Variants in FANCM observed in about 807,000 individuals in gnomAD.
FANCM encodes the protein FA complementation group M.
Under a neutral mutation model 199.5 loss-of-function variants are expected in FANCM, and 140 were observed. That is an observed-to-expected ratio of 0.70 (90% confidence interval 0.61 to 0.81). The LOEUF (loss-of-function observed/expected upper bound fraction) is 0.81. FANCM is among the 30% of genes least tolerant of loss of function. FANCM has a pLI of 0.00. For synonymous variants in FANCM, 840 were observed against 836.8 expected (o/e 1.00, Z -0.07); for missense variants, 2,410 against 2,421.4 (o/e 1.00, Z 0.10).
intron 3 of FANCM, among the ~76,000 whole-genome samples, chr14:45,141,115 G>T (rs1351058315): frequency 6.6e-6 from 1 of 151,606 alleles, no homozygotes; most frequent in African/African-American, 2.4e-5. Flanking sequence ...GGTGAAACCC[G>T]GTGTCTACCA....
chr14:45,148,692 C>A, intron 3 of FANCM, 145 bp from the exon 4 acceptor site: 1 of 623,016 alleles, frequency 1.6e-6, no homozygotes, highest in South Asian at 2.0e-5. Context: ...TTTTTATAGG[C>A]TTATCTTCTT....
chr14:45,160,569 G>A (rs978927257), intron 9 of FANCM, among the ~76,000 whole-genome samples: 29 of 149,692 alleles, frequency 1.9e-4, no homozygotes, highest in Non-Finnish European at 4.1e-4. Flanking sequence ...TTTTGAGACG[G>A]AGTCTCGCTC....
chr14:45,170,863 A>G (rs1033073237), intron 12 of FANCM, 117 bp downstream of exon 12: 1 of 861,102 alleles, frequency 1.2e-6, no homozygotes, highest in African/African-American at 1.7e-5. Flanking sequence ...GATAATTGTG[A>G]TTGGAATGTC....
intron 8 of FANCM, 122 bp downstream of exon 8, chr14:45,155,581 G>A (rs1887127823): frequency 3.4e-6 from 2 of 585,802 alleles, no homozygotes; most frequent in Non-Finnish European, 6.4e-6. Context: ...CGAGGATCAC[G>A]GGAGGTCAGG....
intron 14 of FANCM, among the ~76,000 whole-genome samples, chr14:45,179,165 C>G (rs1014148568): frequency 6.6e-6 from 1 of 152,108 alleles, no homozygotes; most frequent in African/African-American, 2.4e-5. Context: ...CGCCACTGTA[C>G]TCCAGCCTGG....
intron 3 of FANCM, among the ~76,000 whole-genome samples, chr14:45,144,304 T>TCCCCCCCCCCCCCCCCC (rs147372341): frequency 6.7e-6 from 1 of 149,490 alleles, no homozygotes; most frequent in African/African-American, 2.5e-5. Flanking sequence ...TAATGTAGTG[T>TCCCCCCCCCCCCCCCCC]CCCCTCCACC....
At chr14:45,177,504 G>A (rs935564624) in intron 14 of FANCM, among the ~76,000 whole-genome samples, 7 of 152,162 alleles carry the variant, frequency 4.6e-5, no homozygotes, top group African/African-American at 1.4e-4. Context: ...TGATTTTCCT[G>A]CCTCAGCCTC....
At chr14:45,140,777 AT>A (rs771923941) in intron 3 of FANCM, 68 bp downstream of exon 3, 145 of 952,378 alleles carry the variant, frequency 1.5e-4, no homozygotes, top group Admixed American at 3.2e-4. Flanking sequence ...GCAGTGAGTC[AT>A]ACCTGTAATC....
In FANCM at chr14:45,155,351, T is replaced by G. The variant is rs761569757; in HGVS notation, c.1310-22T>G. ...TATGGAAAAAAACAGAAAAAAATTT[T>G]GATATTTTTGTTTTGTTCCAGGAGA... On this transcript the variant is annotated intron_variant, in intron 7 of 22. Coordinates refer to ENST00000267430, the MANE Select transcript of FANCM (RefSeq NM_020937.4). 3.8e-6 allele frequency: 4 copies of G among 1,055,688 alleles called. No individual in the cohort carries two copies. The African/African-American group carries it at 6.3e-5, about 17-fold the overall frequency. 65.4% of individuals were successfully genotyped at this position (1,055,688 alleles called of 1,614,324 possible). A position where few individuals can be genotyped will look rare whatever the true frequency, so the allele number is the denominator to read the frequency against.
Position 45,189,371 on chromosome 14 carries a change from C to T in FANCM, c.5340+9C>T, listed in dbSNP as rs757447536. 6.3e-7 allele frequency: 1 copy of T among 1,582,690 alleles called. No individual in the cohort carries two copies. The highest frequency in any genetic ancestry group is 8.7e-7 in the Non-Finnish European group (1 of 1,151,872). On this transcript the variant is annotated intron_variant, in intron 20 of 22. Transcript: ENST00000267430. ...TTCCAGTTCCACAGAAGGTATGGAT[C>T]AAAGAAAGGAAAAATATCTTTAGAT...
At chr14:45,168,576 GTTTC>G (rs1489211459) in intron 11 of FANCM, among the ~76,000 whole-genome samples, 1 of 150,318 alleles carries the variant, frequency 6.7e-6, no homozygotes, top group Non-Finnish European at 1.5e-5. Flanking sequence ...TTCTATACTT[GTTTC>G]TTCCCCTTTT....
intron 9 of FANCM, among the ~76,000 whole-genome samples, chr14:45,159,824 G>A (rs1287461950): frequency 6.6e-6 from 1 of 152,038 alleles, no homozygotes; most frequent in African/African-American, 2.4e-5. Context: ...GTGCTGTGAT[G>A]TTTTGAGGGA....
In FANCM at chr14:45,198,688, C is replaced by T; in HGVS notation, c.5761C>T (p.Leu1921=). ...MFRRTKSYDS[L]LTTLIGAGIR... ...TAGGAGAACAAAGAGCTATGACAGC[C>T]TGCTGACTACCTTAATTGGCGCTGG... Residue 1921 remains leucine (L), a synonymous_variant, in exon 22 of 23, where the codon CTG becomes TTG. Coordinates refer to ENST00000267430, the MANE Select transcript of FANCM (RefSeq NM_020937.4). The T allele has an allele frequency of 6.2e-7, 1 of 1,613,608 alleles. No homozygotes were observed. The highest frequency in any genetic ancestry group is 8.5e-7 in the Non-Finnish European group (1 of 1,179,614).
chr14:45,195,722 G>T (rs768909553), intron 20 of FANCM: 22 of 324,932 alleles, frequency 6.8e-5, no homozygotes, highest in Middle Eastern at 7.9e-4. Context: ...TTTTAAAACT[G>T]AACAGGTTTA....
intron 13 of FANCM, among the ~76,000 whole-genome samples, chr14:45,174,842 T>C (rs1444320575): frequency 6.6e-6 from 1 of 152,134 alleles, no homozygotes; most frequent in Non-Finnish European, 1.5e-5. Context: ...TTTTGGGTAT[T>C]AAGTACTGGG....
intron 10 of FANCM, among the ~76,000 whole-genome samples, chr14:45,166,432 C>T (rs1887982427): frequency 6.6e-6 from 1 of 152,154 alleles, no homozygotes; most frequent in Non-Finnish European, 1.5e-5. Flanking sequence ...CCACCGCACC[C>T]AGCCTGAAAT....
At chr14:45,155,553 C>T (rs1887125469) in intron 8 of FANCM, 94 bp downstream of exon 8, 3 of 699,652 alleles carry the variant, frequency 4.3e-6, no homozygotes, top group East Asian at 5.9e-5. Context: ...CACCTGTAAT[C>T]CCAGCACTTT....
intron 8 of FANCM, among the ~76,000 whole-genome samples, chr14:45,156,521 A>C (rs1388723845): frequency 6.6e-6 from 1 of 152,190 alleles, no homozygotes; most frequent in Admixed American, 6.5e-5. Context: ...GGTGTTCATC[A>C]AGGCAATAGT....
rs962962713 is a variant in FANCM, at chr14:45,178,925, G to T, written c.4222+1949G>T. Reference sequence around the variant, plus strand: ...CTTTAAAAACCTTAATGGGCCTGGCGCAATGGCTCATGCCTGTAATCCCAG... The same window carrying T: ...CTTTAAAAACCTTAATGGGCCTGGCTCAATGGCTCATGCCTGTAATCCCAG... On this transcript the variant is annotated intron_variant, in intron 14 of 22. Transcript: ENST00000267430. Among the ~76,000 whole-genome samples, 2 of 152,108 alleles carry T rather than the reference G, an allele frequency of 1.3e-5. 1 individual carries two copies. The highest frequency in any genetic ancestry group is 1.3e-4 in the Admixed American group (2 of 15,260).
Sources: allele counts gnomAD v4.1 joint callset (sites outside exome capture counted in the v4.1 genomes callset), GRCh38; gene constraint gnomAD v4.1.1; transcripts MANE v1.5; gene names NCBI Gene and HGNC (gene_info 2026-07-23, HGNC 2026-07-21).